PRDM9: variants seen among roughly 807,000 people sequenced by gnomAD.
PRDM9 encodes the protein PR/SET domain 9, also known as histone-lysine N-methyltransferase PRDM9.
PRDM9 carries 47 observed loss-of-function variants against 55.6 expected under a neutral mutation model. The ratio of observed to expected loss-of-function variants is 0.85; its 90% CI spans 0.67 to 1.08. The LOEUF (loss-of-function observed/expected upper bound fraction) is 1.08. PRDM9 is among the 50% of genes least tolerant of loss of function. The probability of loss-of-function intolerance (pLI) is 0.00; values close to 1 mark genes in which losing one functional copy is unlikely to be tolerated. For missense variants in PRDM9, 867 were observed against 1,040.3 expected (o/e 0.83, Z 2.29); for synonymous variants, 312 against 375.7 (o/e 0.83, Z 1.96).
chr5:23,512,528 C>T (rs1336226748), intron 4 of PRDM9, among the ~76,000 whole-genome samples: 2 of 152,134 alleles, frequency 1.3e-5, no homozygotes, highest in Non-Finnish European at 2.9e-5. Context: ...AAAAGAATGG[C>T]TCTTTAGCGG....
At chr5:23,511,258 T>A (rs937652064) in intron 4 of PRDM9, among the ~76,000 whole-genome samples, 1 of 152,190 alleles carries the variant, frequency 6.6e-6, no homozygotes, top group Non-Finnish European at 1.5e-5. Flanking sequence ...CTCAAAAGCA[T>A]AAATGTTCAA....
In PRDM9 at chr5:23,509,466, C is replaced by A; in HGVS notation, c.70-4C>A. On this transcript the variant is annotated splice_polypyrimidine_tract_variant and splice_region_variant and intron_variant, in intron 2 of 10. Coordinates refer to ENST00000296682, the MANE Select transcript of PRDM9 (RefSeq NM_020227.4). ...TCACTGATGGAATCTGTTACTTCCT[C>A]TAGGTCAAAGATGCCTTCAAAGACA... The A allele has an allele frequency of 6.2e-7, 1 of 1,614,152 alleles. No individual in the cohort carries two copies. Among genetic ancestry groups the A allele is most frequent in the Non-Finnish European group, 8.5e-7 (1 of 1,180,018 alleles).
chr5:23,516,802 C>A (rs1313431968), intron 4 of PRDM9, among the ~76,000 whole-genome samples: 1 of 147,816 alleles, frequency 6.8e-6, no homozygotes, highest in African/African-American at 2.5e-5. Context: ...TCACTGCAAC[C>A]TCTGCCTCCC....
Position 23,509,954 on chromosome 5 carries a change from C to T in PRDM9, c.228C>T (p.His76=), listed in dbSNP as rs756927336. 1.9e-6 allele frequency: 3 copies of T among 1,613,788 alleles called. No individual in the cohort carries two copies. The highest frequency in any genetic ancestry group is 2.7e-5 in the African/African-American group (2 of 74,836). ...CCACTCGACCAGCTTTCATGTGTCA[C>T]CGAAGGCAGGCCATCAAACTCCAGG... ...LRATRPAFMC[H]RRQAIKLQVD... Residue 76 remains histidine (H), a synonymous_variant, in exon 4 of 11, where the codon CAC becomes CAT. Coordinates refer to ENST00000296682, the MANE Select transcript of PRDM9 (RefSeq NM_020227.4).
At position 23,528,024 on chromosome 5, in the gene PRDM9, G is replaced by T; in HGVS notation, c.*251G>T. The stretch of plus-strand genomic sequence containing the variant: ...AGCATGTGTGGTTCTTTCCCGCACT[G>T]ATCCCCTCCATTTTTTGTTTGTTTT... On this transcript the variant is annotated 3_prime_UTR_variant, in exon 11 of 11. Coordinates refer to ENST00000296682, the MANE Select transcript of PRDM9 (RefSeq NM_020227.4). 1.7e-6 allele frequency: 1 copy of T among 605,042 alleles called. No homozygotes were observed. Among genetic ancestry groups the T allele is most frequent in the Non-Finnish European group, 2.9e-6 (1 of 348,530 alleles). The allele number at this position is 605,042 out of a possible 1,614,324, so 37.5% of individuals were successfully genotyped here.
rs142021335 is a variant in PRDM9 at position 23,515,712 on chromosome 5, G to A, written c.302-2169G>A. On this transcript the variant is annotated intron_variant, in intron 4 of 10. Coordinates refer to ENST00000296682, the MANE Select transcript of PRDM9 (RefSeq NM_020227.4). ...TATATGAGATATGTGGTAAGAGTCT[G>A]TCTTCTCTTTTGCATATGTATATCC... is the stretch of plus-strand genomic sequence containing the variant. 7.7e-3 allele frequency among the ~76,000 whole-genome samples: 1,179 copies of A among 152,256 alleles called. 18 individuals are homozygous for A. Among genetic ancestry groups the A allele is most frequent in the African/African-American group, 0.027 (1,121 of 41,526 alleles).
chr5:23,514,614 A>G (rs2126414532), intron 4 of PRDM9, among the ~76,000 whole-genome samples: 1 of 152,030 alleles, frequency 6.6e-6, no homozygotes, highest in Admixed American at 6.5e-5. Context: ...TAATTTTTGT[A>G]TTTTCAGTAG....
chr5:23,508,989 T>C lies in PRDM9; in HGVS notation c.-45T>C, dbSNP rs771033454. On this transcript the variant is annotated 5_prime_UTR_variant, in exon 2 of 11. Transcript: ENST00000296682. Reference sequence around the variant, plus strand: ...GGAGCTGGGAGACTCAGGGCCCTTCTCACACTCAGAATTGGAGCAGGGCCT... The same window carrying C: ...GGAGCTGGGAGACTCAGGGCCCTTCCCACACTCAGAATTGGAGCAGGGCCT... The C allele has an allele frequency of 2.0e-5, 32 of 1,609,246 alleles. No homozygotes were observed. Among genetic ancestry groups the C allele is most frequent in the Non-Finnish European group, 2.5e-5 (30 of 1,176,568 alleles).
In PRDM9 at chr5:23,521,184, GA is replaced by G; in HGVS notation, c.508+11del. The G allele has an allele frequency of 6.2e-7, 1 of 1,612,690 alleles. No homozygotes were observed. The highest frequency in any genetic ancestry group is 8.5e-7 in the Non-Finnish European group (1 of 1,179,970). ...AGCACTCAAGACTAAAACTGGGTAAGAAAAAATATTTGCGGGGACTTTAGTC... is the reference window on the plus strand; with the variant it reads ...AGCACTCAAGACTAAAACTGGGTAAGAAAAATATTTGCGGGGACTTTAGTC... On this transcript the variant is annotated splice_donor_region_variant and intron_variant, in intron 6 of 10. Coordinates refer to ENST00000296682, the MANE Select transcript of PRDM9 (RefSeq NM_020227.4).
intron 4 of PRDM9, among the ~76,000 whole-genome samples, chr5:23,511,911 A>G (rs2126410304): frequency 6.6e-6 from 1 of 152,076 alleles, no homozygotes; most frequent in African/African-American, 2.4e-5. Flanking sequence ...CTGAATGGTG[A>G]TGGATGTATA....
chr5:23,512,985 C>A (rs1197632935), intron 4 of PRDM9, among the ~76,000 whole-genome samples: 1 of 152,134 alleles, frequency 6.6e-6, no homozygotes, highest in Non-Finnish European at 1.5e-5. Flanking sequence ...GAATAATATT[C>A]CACTCCATGT....
chr5:23,509,680 C>A, intron 3 of PRDM9, 87 bp downstream of exon 3: 1 of 1,599,672 alleles, frequency 6.3e-7, no homozygotes, highest in East Asian at 2.2e-5. Context: ...CAGGTGGTGG[C>A]ATCTGCCCAC....
At chr5:23,525,503 G>A (rs1389523120) in intron 10 of PRDM9, among the ~76,000 whole-genome samples, 2 of 152,162 alleles carry the variant, frequency 1.3e-5, no homozygotes, top group African/African-American at 2.4e-5. Context: ...TATGATTTGT[G>A]GAATCTGAAA....
intron 4 of PRDM9, among the ~76,000 whole-genome samples, chr5:23,510,404 A>T (rs1021976139): frequency 1.1e-4 from 16 of 151,650 alleles, no homozygotes; most frequent in African/African-American, 3.9e-4. Context: ...TCCCTCTGTC[A>T]TCCAGGCTGG....
intron 4 of PRDM9, among the ~76,000 whole-genome samples, chr5:23,515,343 C>T (rs578065738): frequency 2.2e-4 from 34 of 152,240 alleles, no homozygotes; most frequent in Non-Finnish European, 3.4e-4. Flanking sequence ...CTCCTAGGTT[C>T]AAGTTATCCT....
At chr5:23,522,281 C>A in intron 6 of PRDM9, 23 bp from the exon 7 acceptor site, 1 of 1,574,202 alleles carries the variant, frequency 6.4e-7, no homozygotes, top group South Asian at 1.1e-5. Context: ...CCAATTTTAC[C>A]CGTCTACTCT....
At chr5:23,523,220 A>G in intron 8 of PRDM9, 71 bp from the exon 9 acceptor site, 1 of 1,529,946 alleles carries the variant, frequency 6.5e-7, no homozygotes, top group Middle Eastern at 1.7e-4. Flanking sequence ...GCCATTGACG[A>G]CAGTGGAGTA....
chr5:23,511,492 TG>T (rs1739097566), intron 4 of PRDM9, among the ~76,000 whole-genome samples: 1 of 152,198 alleles, frequency 6.6e-6, no homozygotes, highest in East Asian at 1.9e-4. Context: ...ACTACAGGCA[TG>T]TGCCACCACG....
rs1250509567 is a variant in PRDM9 at position 23,526,329 on chromosome 5, A to C, written c.1241A>C (p.Gln414Pro). ...SQHVERNHSS[Q>P]NFPGPSARKL... ...CATGTAGAACGCAATCACTCCTCTC[A>C]GAACTTCCCAGGACCATCTGCAAGA... Residue 414 changes from glutamine to proline, a missense_variant, in exon 11 of 11, where the codon CAG becomes CCG. Transcript: ENST00000296682. 3 of 1,614,234 alleles carry C rather than the reference A, an allele frequency of 1.9e-6. No individual in the cohort carries two copies. Among genetic ancestry groups the C allele is most frequent in the Non-Finnish European group, 2.5e-6 (3 of 1,180,038 alleles).
Sources: allele counts gnomAD v4.1 joint callset (sites outside exome capture counted in the v4.1 genomes callset), GRCh38; gene constraint gnomAD v4.1.1; transcripts MANE v1.5; gene names NCBI Gene and HGNC (gene_info 2026-07-23, HGNC 2026-07-21).